Variants in CCSER1 observed in about 807,000 individuals in gnomAD.
CCSER1 encodes serine-rich coiled-coil domain-containing protein 1.
In CCSER1, 41 loss-of-function variants were observed where a neutral mutation model predicts 82.0. That is an observed-to-expected ratio of 0.50 (90% CI 0.39 to 0.65). The LOEUF (loss-of-function observed/expected upper bound fraction) is 0.65, where lower values mean the gene tolerates loss of function less well. Among genes scored for constraint, CCSER1 ranks in the 30% least tolerant of loss-of-function variants. CCSER1 has a pLI of 0.00. For synonymous variants in CCSER1, 414 were observed against 383.9 expected, an observed-to-expected ratio of 1.08 and a Z score of -0.92; for missense variants, 1,119 against 1,064.2, an observed-to-expected ratio of 1.05 and a Z score of -0.72.
intron 10 of CCSER1, among the ~76,000 whole-genome samples, chr4:91,290,863 T>G (rs1204729421): frequency 6.6e-6 from 1 of 151,824 alleles, no homozygotes. Flanking sequence ...ATAAATAAAT[T>G]TAATAGATAA....
At chr4:91,129,100 C>T (rs1727770765) in intron 10 of CCSER1, among the ~76,000 whole-genome samples, 2 of 152,024 alleles carry the variant, frequency 1.3e-5, no homozygotes, top group Non-Finnish European at 2.9e-5. Flanking sequence ...TCAAGCATCA[C>T]ATTTTCAAAC....
At chr4:90,566,849 A>G (rs922127213) in intron 5 of CCSER1, among the ~76,000 whole-genome samples, 1 of 151,692 alleles carries the variant, frequency 6.6e-6, no homozygotes, top group African/African-American at 2.4e-5. Flanking sequence ...TGATCCGCCC[A>G]TCTCGGCCTC....
chr4:90,736,637 AT>A (rs112803226), intron 7 of CCSER1, among the ~76,000 whole-genome samples: 50,239 of 151,318 alleles, frequency 0.33, 9,378 homozygotes, highest in African/African-American at 0.52. Flanking sequence ...TTATTAGGTC[AT>A]TTTTTTTATC....
At chr4:91,048,368 T>C (rs1742698891) in intron 9 of CCSER1, among the ~76,000 whole-genome samples, 1 of 151,724 alleles carries the variant, frequency 6.6e-6, no homozygotes, top group Non-Finnish European at 1.5e-5. Flanking sequence ...ATATTTTTCT[T>C]CTTTACTTTT....
At chr4:90,811,086 G>A (rs1220684614) in intron 7 of CCSER1, among the ~76,000 whole-genome samples, 2 of 152,064 alleles carry the variant, frequency 1.3e-5, no homozygotes, top group African/African-American at 2.4e-5. Flanking sequence ...TGATCCGCCC[G>A]CGTCGGCCTT....
chr4:90,366,094 G>T (rs1746233374), intron 3 of CCSER1, among the ~76,000 whole-genome samples: 1 of 151,722 alleles, frequency 6.6e-6, no homozygotes, highest in South Asian at 2.1e-4. Context: ...CAGTAAAGCT[G>T]TTCAGTATTC....
intron 1 of CCSER1, among the ~76,000 whole-genome samples, chr4:90,234,099 C>T (rs1436753982): frequency 6.6e-6 from 1 of 151,976 alleles, no homozygotes; most frequent in Non-Finnish European, 1.5e-5. Context: ...TAATATTAGG[C>T]AGCCTTTGTA....
intron 10 of CCSER1, among the ~76,000 whole-genome samples, chr4:91,196,892 G>A (rs914450116): frequency 1.4e-4 from 22 of 152,166 alleles, no homozygotes; most frequent in Non-Finnish European, 3.1e-4. Context: ...TTACTCTTTA[G>A]ATATAGGCTT....
Position 90,715,021 on chromosome 4 carries a change from A to G in CCSER1, c.1933-8893A>G, listed in dbSNP as rs143281906. On this transcript the variant is annotated intron_variant, in intron 6 of 10. Coordinates refer to ENST00000509176, the MANE Select transcript of CCSER1 (RefSeq NM_001145065.2). ...ATGATTTATATTTATTTATATATTT[A>G]CCATAACTTGATGTTAGCATCTTTT... 4.7e-4 allele frequency among the ~76,000 whole-genome samples: 72 copies of G among 152,040 alleles called. 1 individual carries two copies. The East Asian group carries it at 0.011, about 24-fold the overall frequency.
At chr4:91,586,888 C>G (rs1047736814) in intron 10 of CCSER1, among the ~76,000 whole-genome samples, 4 of 151,532 alleles carry the variant, frequency 2.6e-5, no homozygotes, top group African/African-American at 9.7e-5. Flanking sequence ...ATATTGCATA[C>G]TTAGTTTATT....
chr4:90,757,984 G>T lies in CCSER1; in HGVS notation c.2010+33993G>T, dbSNP rs567557234. Among the ~76,000 whole-genome samples, 5 of 149,744 alleles carry T rather than the reference G, an allele frequency of 3.3e-5. No homozygotes were observed. In the East Asian group the frequency reaches 9.9e-4, roughly 30 times the overall value. ...ATGGAGTTTCACTCTTGTTGCCCAG[G>T]CTGGAGTGCAATGGTGCAATCTTTG... On this transcript the variant is annotated intron_variant, in intron 7 of 10. Coordinates refer to ENST00000509176, the MANE Select transcript of CCSER1 (RefSeq NM_001145065.2).
At chr4:90,637,207 T>C (rs1360859989) in intron 6 of CCSER1, among the ~76,000 whole-genome samples, 1 of 152,176 alleles carries the variant, frequency 6.6e-6, no homozygotes, top group Admixed American at 6.5e-5. Flanking sequence ...ATCTACTGCC[T>C]AGTTCACTCA....
At chr4:90,591,583 A>T (rs1226761259) in intron 5 of CCSER1, among the ~76,000 whole-genome samples, 1 of 152,178 alleles carries the variant, frequency 6.6e-6, no homozygotes, top group African/African-American at 2.4e-5. Flanking sequence ...TACTCTATTG[A>T]TGGGAGTCTA....
chr4:90,729,157 A>C (rs2149395222), intron 7 of CCSER1, among the ~76,000 whole-genome samples: 1 of 152,266 alleles, frequency 6.6e-6, no homozygotes, highest in Non-Finnish European at 1.5e-5. Context: ...CAAGTTAATA[A>C]ATGAAAAGTG....
intron 1 of CCSER1, among the ~76,000 whole-genome samples, chr4:90,140,578 T>A (rs540005417): frequency 1.1e-4 from 17 of 152,152 alleles, no homozygotes; most frequent in African/African-American, 4.1e-4. Flanking sequence ...TACGTACACA[T>A]GTACACAGGT....
At chr4:90,974,041 G>C (rs1735370235) in intron 9 of CCSER1, among the ~76,000 whole-genome samples, 1 of 151,474 alleles carries the variant, frequency 6.6e-6, no homozygotes, top group Admixed American at 6.6e-5. Flanking sequence ...GTAGAATGGT[G>C]GTTTTCAGGG....
intron 10 of CCSER1, among the ~76,000 whole-genome samples, chr4:91,532,686 A>G (rs1761094824): frequency 6.7e-6 from 1 of 148,276 alleles, no homozygotes; most frequent in Non-Finnish European, 1.5e-5. Context: ...GGGTAACATG[A>G]TGAAACCCAT....
intron 3 of CCSER1, among the ~76,000 whole-genome samples, chr4:90,384,349 A>G (rs933204285): frequency 1.4e-5 from 2 of 138,440 alleles, no homozygotes; most frequent in African/African-American, 5.5e-5. Flanking sequence ...TCAGCAAACT[A>G]TCACAAGGAC....
At chr4:91,543,266 CTG>C (rs1479322915) in intron 10 of CCSER1, among the ~76,000 whole-genome samples, 11 of 152,166 alleles carry the variant, frequency 7.2e-5, no homozygotes, top group African/African-American at 2.7e-4. Flanking sequence ...ATTTTCCAGT[CTG>C]TGTCTTTTAA....
Sources: allele counts gnomAD v4.1 joint callset (sites outside exome capture counted in the v4.1 genomes callset), GRCh38; gene constraint gnomAD v4.1.1; transcripts MANE v1.5; gene names NCBI Gene and HGNC (gene_info 2026-07-23, HGNC 2026-07-21).